The following RPS6KC1 variants were observed in gnomAD, a reference collection of about 807,000 sequenced individuals.
RPS6KC1 encodes inactive ribosomal protein S6 kinase delta-1.
Under a neutral mutation model 103.8 loss-of-function variants are expected in RPS6KC1, and 54 were observed. The ratio of observed to expected loss-of-function variants is 0.52; its 90% CI spans 0.42 to 0.65. The LOEUF is 0.65. Among genes scored for constraint, RPS6KC1 ranks in the 30% least tolerant of loss-of-function variants. RPS6KC1 has a pLI of 0.00. For synonymous variants in RPS6KC1, 439 were observed against 438.7 expected (o/e 1.00, Z -0.01); for missense variants, 1,151 against 1,253.8 (o/e 0.92, Z 1.24).
At chr1:213,207,270 A>G (rs2093376471) in intron 8 of RPS6KC1, among the ~76,000 whole-genome samples, 1 of 152,226 alleles carries the variant, frequency 6.6e-6, no homozygotes, top group African/African-American at 2.4e-5. Flanking sequence ...AATCCACACT[A>G]GGAAAGTAAA....
chr1:213,148,704 T>G (rs2088197241), intron 6 of RPS6KC1, among the ~76,000 whole-genome samples: 1 of 152,130 alleles, frequency 6.6e-6, no homozygotes. Flanking sequence ...AGAACGAGTT[T>G]ATAAGTATTC....
chr1:213,790,920 T>C, the RPS6KC1 span, among the ~76,000 whole-genome samples: 20 of 103,720 alleles, frequency 1.9e-4, no homozygotes, highest in African/African-American at 1.3e-3. Flanking sequence ...TTTTAAATAG[T>C]GTTTTCATCC....
the RPS6KC1 span, chr1:213,832,569 T>G: frequency 6.6e-6 from 1 of 152,244 alleles, no homozygotes; most frequent in Non-Finnish European, 1.5e-5. Flanking sequence ...TCTTGTCCTG[T>G]ATACTCCTCT....
chr1:213,103,764 GTAATC>G lies in RPS6KC1; in HGVS notation c.263-681_263-677del, dbSNP rs773070492. 2.1e-4 allele frequency among the ~76,000 whole-genome samples: 32 copies of G among 152,114 alleles called. 1 individual carries two copies. Among genetic ancestry groups the G allele is most frequent in the Middle Eastern group, 3.2e-3 (1 of 316 alleles). ...TATGGCATATGATAAATGTCAACTG[GTAATC>G]TAATCTAAGTACTACAAAATGATCA... is the stretch of plus-strand genomic sequence containing the variant. On this transcript the variant is annotated intron_variant, in intron 3 of 14. Coordinates refer to ENST00000366960, the MANE Select transcript of RPS6KC1 (RefSeq NM_012424.6).
chr1:213,129,601 G>A lies in RPS6KC1; in HGVS notation c.547G>A (p.Ala183Thr). 6.2e-7 allele frequency: 1 copy of A among 1,613,926 alleles called. No homozygotes were observed. Among genetic ancestry groups the A allele is most frequent in the Non-Finnish European group, 8.5e-7 (1 of 1,179,862 alleles). ...TCTTGCTGAGTTAGATGATGGAATG[G>A]CTTCCAATCAAAATTCTCCCATTAG... Reference protein sequence around the residue: ...DSLAELDDGMASNQNSPIRTF... With the variant: ...DSLAELDDGMTSNQNSPIRTF... The change falls in exon 6 of 15, where the codon GCT becomes ACT. Residue 183 changes from alanine (A) to threonine (T), a missense_variant. Ala to Thr is a moderately conservative substitution (Grantham distance 58). This residue lies in a region of RPS6KC1 where 959 missense variants were observed against 1,006.3 expected (regional missense o/e 0.95). Transcript: ENST00000366960.
the RPS6KC1 span, among the ~76,000 whole-genome samples, chr1:213,594,637 T>C: frequency 7.7e-4 from 117 of 152,354 alleles, no homozygotes; most frequent in African/African-American, 2.5e-3. Flanking sequence ...TCACCTCCTA[T>C]AATACTGTTG....
chr1:213,156,691 T>C (rs2089926726), intron 6 of RPS6KC1, among the ~76,000 whole-genome samples: 1 of 152,202 alleles, frequency 6.6e-6, no homozygotes, highest in South Asian at 2.1e-4. Flanking sequence ...TGAATATATC[T>C]GAGTAGAGAA....
At chr1:213,435,311 A>G in the RPS6KC1 span, among the ~76,000 whole-genome samples, 2 of 152,156 alleles carry the variant, frequency 1.3e-5, no homozygotes, top group Non-Finnish European at 2.9e-5. Context: ...TTGTCTGCTA[A>G]TTCTAACATT....
intron 12 of RPS6KC1, among the ~76,000 whole-genome samples, chr1:213,256,860 AC>A (rs2094656799): frequency 6.6e-6 from 1 of 152,178 alleles, no homozygotes; most frequent in Admixed American, 6.5e-5. Flanking sequence ...ACAGGAATCC[AC>A]CTTGTCTGTC....
chr1:213,836,846 A>T, the RPS6KC1 span, among the ~76,000 whole-genome samples: 3 of 152,152 alleles, frequency 2.0e-5, no homozygotes, highest in African/African-American at 7.2e-5. Context: ...ATAGTTTCAA[A>T]AACACTGCCC....
the RPS6KC1 span, among the ~76,000 whole-genome samples, chr1:213,501,031 A>G: frequency 6.6e-5 from 10 of 152,210 alleles, no homozygotes; most frequent in African/African-American, 2.4e-4. Context: ...AAAATAATCA[A>G]TATTTAAAGA....
At chr1:213,414,049 A>G in the RPS6KC1 span, among the ~76,000 whole-genome samples, 32 of 152,220 alleles carry the variant, frequency 2.1e-4, no homozygotes, top group East Asian at 1.9e-3. Context: ...ATGTGGTGAG[A>G]CCTAATGACC....
chr1:213,238,979 G>A (rs1321575552), intron 10 of RPS6KC1, among the ~76,000 whole-genome samples: 2 of 152,188 alleles, frequency 1.3e-5, no homozygotes, highest in Non-Finnish European at 2.9e-5. Flanking sequence ...TTTGTGGTAA[G>A]AGAATGTGAG....
intron 14 of RPS6KC1, among the ~76,000 whole-genome samples, chr1:213,264,601 A>G (rs776201548): frequency 2.0e-5 from 3 of 152,334 alleles, no homozygotes; most frequent in Non-Finnish European, 4.4e-5. Flanking sequence ...AAACTCAGAT[A>G]TGTATAGCTT....
At chr1:213,486,801 C>G in the RPS6KC1 span, among the ~76,000 whole-genome samples, 1 of 152,168 alleles carries the variant, frequency 6.6e-6, no homozygotes, top group Non-Finnish European at 1.5e-5. Flanking sequence ...AGTCAAGATA[C>G]GGGCCCAGCT....
At chr1:213,567,327 TG>T in the RPS6KC1 span, among the ~76,000 whole-genome samples, 2 of 152,148 alleles carry the variant, frequency 1.3e-5, no homozygotes, top group Admixed American at 6.5e-5. Context: ...GGCTTTATAC[TG>T]GGGGGAAATG....
chr1:213,189,785 C>T (rs1035989235), intron 8 of RPS6KC1, among the ~76,000 whole-genome samples: 8 of 152,070 alleles, frequency 5.3e-5, no homozygotes, highest in Admixed American at 3.9e-4. Context: ...CTTCCCACTT[C>T]CCCTTCCGAA....
intron 8 of RPS6KC1, among the ~76,000 whole-genome samples, chr1:213,185,313 G>A (rs1417802799): frequency 2.0e-5 from 3 of 152,050 alleles, no homozygotes; most frequent in African/African-American, 7.2e-5. Context: ...GCATATAGTT[G>A]GGTCTTATTT....
At chr1:213,673,377 A>G in the RPS6KC1 span, among the ~76,000 whole-genome samples, 8 of 152,320 alleles carry the variant, frequency 5.3e-5, no homozygotes, top group South Asian at 1.7e-3. Context: ...GGTAAACCTA[A>G]TCAGGGCTGA....
Sources: gnomAD v4.1 joint callset for allele counts (sites outside exome capture counted in the v4.1 genomes callset) on GRCh38, gnomAD v4.1.1 for gene constraint, gnomAD v4.1.1 regional missense constraint, MANE v1.5 for transcripts, NCBI Gene and HGNC (gene_info 2026-07-23, HGNC 2026-07-21) for gene names.